NOTCH4: variants seen among roughly 807,000 people sequenced by gnomAD.
NOTCH4 encodes the protein neurogenic locus notch homolog protein 4.
NOTCH4 carries 138 observed loss-of-function variants against 189.0 expected under a neutral mutation model. The ratio of observed to expected loss-of-function variants is 0.73; its 90% CI spans 0.64 to 0.84. The LOEUF (loss-of-function observed/expected upper bound fraction) is 0.84. Ranked by LOEUF, NOTCH4 falls within the 40% of genes least tolerant of loss-of-function variation. The pLI is 0.00. For synonymous variants in NOTCH4, 942 were observed against 1,032.8 expected (o/e 0.91, Z 1.69); for missense variants, 2,286 against 2,605.4 (o/e 0.88, Z 2.67).
rs559963136 is a variant in NOTCH4 at position 32,202,382 on chromosome 6, G to T, written c.3449C>A (p.Thr1150Lys). The T allele has an allele frequency of 6.2e-7, 1 of 1,612,612 alleles. No individual in the cohort carries two copies. Among genetic ancestry groups the T allele is most frequent in the African/African-American group, 1.3e-5 (1 of 74,944 alleles). The change falls in exon 21 of 30, where the codon ACG becomes AAG. Residue 1150 changes from threonine to lysine, a missense_variant. By Grantham distance (78) the Thr-to-Lys change is moderately conservative. Coordinates refer to ENST00000375023, the MANE Select transcript of NOTCH4 (RefSeq NM_004557.4). The surrounding 1 kb of genome is among the most constrained non-coding windows in gnomAD (Gnocchi z 5.7). Reference protein sequence around the residue: ...CLYNGSCSETTGLGGPGFRCS... With the variant: ...CLYNGSCSETKGLGGPGFRCS... ...TCGAAAGCCTGGGCCCCCCAAGCCC[G>T]TGGTCTCTGAGCAGCTGCCATTGTA... is the stretch of plus-strand genomic sequence containing the variant.
rs142575217 is a variant in NOTCH4 at position 32,195,477 on chromosome 6, T to G, written c.5972A>C (p.Gln1991Pro). The G allele has an allele frequency of 1.1e-5, 18 of 1,611,476 alleles. No homozygotes were observed. Among genetic ancestry groups the G allele is most frequent in the African/African-American group, 2.7e-5 (2 of 74,898 alleles). Residue 1991 changes from glutamine to proline, a missense_variant, in exon 30 of 30, where the codon CAA becomes CCA. Transcript: ENST00000375023. The surrounding 1 kb of genome is among the most constrained non-coding windows in gnomAD (Gnocchi z 5.4). Reference protein sequence around the residue: ...PQLDCGPPALQEMPINQGGEG... With the variant: ...PQLDCGPPALPEMPINQGGEG... Reference sequence around the variant, plus strand: ...TCCTCCTTGGTTTATGGGCATTTCTTGGAGGGCTGGGGGACCACAGTCAAG... The same window carrying G: ...TCCTCCTTGGTTTATGGGCATTTCTGGGAGGGCTGGGGGACCACAGTCAAG...
chr6:32,220,323 T>C (rs1789672795), intron 6 of NOTCH4, 39 bp from the exon 7 acceptor site: 1 of 1,608,938 alleles, frequency 6.2e-7, no homozygotes, highest in Non-Finnish European at 8.5e-7. Flanking sequence ...CAAAGGCCAC[T>C]TGAAGCTCCT....
chr6:32,212,951 G>T lies in NOTCH4; in HGVS notation c.2439-40C>A. ...GACAGGGCATGATAGGAAGAAGTTC[G>T]GGCAACAAGGGGAAGGTAGTGTGTG... is the stretch of plus-strand genomic sequence containing the variant. On this transcript the variant is annotated intron_variant, in intron 15 of 29. Coordinates refer to ENST00000375023, the MANE Select transcript of NOTCH4 (RefSeq NM_004557.4). This position sits in a 1 kb window ranked among gnomAD's most constrained non-coding sequence, Gnocchi z 4.4. The T allele has an allele frequency of 6.6e-7, 1 of 1,509,342 alleles. No individual in the cohort carries two copies. The highest frequency in any genetic ancestry group is 9.1e-7 in the Non-Finnish European group (1 of 1,104,878). The allele number at this position is 1,509,342 out of a possible 1,614,324, so 93.5% of individuals were successfully genotyped here.
In NOTCH4 at chr6:32,196,400, G is replaced by C. The variant is rs752717843; in HGVS notation, c.5222C>G (p.Ala1741Gly). Reference protein sequence around the residue: ...DKWGKTALHWAAAVNNARAAR... With the variant: ...DKWGKTALHWGAAVNNARAAR... Reference sequence around the variant, plus strand: ...GGCTCGGGCGTTGTTCACGGCAGCAGCCCAGTGCAGCGCAGTTTTCCCTAG... The same window carrying C: ...GGCTCGGGCGTTGTTCACGGCAGCACCCCAGTGCAGCGCAGTTTTCCCTAG... The change falls in exon 29 of 30, where the codon GCT becomes GGT. Residue 1741 changes from alanine to glycine, a missense_variant. Ala to Gly is a moderately conservative substitution (Grantham distance 60). Transcript: ENST00000375023. 1 of 1,613,140 alleles carries C rather than the reference G, an allele frequency of 6.2e-7. No homozygotes were observed. Among genetic ancestry groups the C allele is most frequent in the South Asian group, 1.1e-5 (1 of 91,086 alleles).
At chr6:32,214,311 C>A (rs1378534223) in intron 12 of NOTCH4, 56 bp from the exon 13 acceptor site, 16 of 1,589,430 alleles carry the variant, frequency 1.0e-5, no homozygotes, top group Non-Finnish European at 1.1e-5. Flanking sequence ...TTATGTTCCC[C>A]TCCCTGCTGC....
Position 32,196,760 on chromosome 6 carries a change from G to C in NOTCH4, c.5200+165C>G, listed in dbSNP as rs971179960. 3.9e-5 allele frequency among the ~76,000 whole-genome samples: 6 copies of C among 152,064 alleles called. No individual in the cohort carries two copies. The East Asian group carries it at 7.7e-4, about 20-fold the overall frequency. ...AGTGTGGTGTTGAGGGTGGGAGTTG[G>C]GGGGGGAAACTCACGCGGCCCGTAC... On this transcript the variant is annotated intron_variant, in intron 28 of 29. Transcript: ENST00000375023.
In NOTCH4 at chr6:32,221,413, C is replaced by A; in HGVS notation, c.452-88G>T. On this transcript the variant is annotated intron_variant, in intron 3 of 29. Coordinates refer to ENST00000375023, the MANE Select transcript of NOTCH4 (RefSeq NM_004557.4). This position sits in a 1 kb window ranked among gnomAD's most constrained non-coding sequence, Gnocchi z 4.3. ...ACCCAGTGCTCACTCTGGATTATCT[C>A]TGGGTCTCATTTTCATATTTCCTTC... 2.1e-6 allele frequency: 2 copies of A among 932,362 alleles called. No homozygotes were observed. Among genetic ancestry groups the A allele is most frequent in the East Asian group, 2.5e-5 (1 of 40,424 alleles). The allele number at this position is 932,362 out of a possible 1,614,324, so 57.8% of individuals were successfully genotyped here. A position where few individuals can be genotyped will look rare whatever the true frequency, so the allele number is the denominator to read the frequency against.
rs149361718 is a variant in NOTCH4, at chr6:32,223,386, G to A, written c.74-300C>T. Among the ~76,000 whole-genome samples, 835 of 152,142 alleles carry A rather than the reference G, an allele frequency of 5.5e-3. 6 individuals are homozygous for A. Among genetic ancestry groups the A allele is most frequent in the Non-Finnish European group, 9.9e-3 (676 of 67,968 alleles). On this transcript the variant is annotated intron_variant, in intron 1 of 29. Coordinates refer to ENST00000375023, the MANE Select transcript of NOTCH4 (RefSeq NM_004557.4). ...CAGAAGAGGGGCGGAGGTGGCTCCC[G>A]GGAGGTGAATGGCTGAGACTTCGAA...
Position 32,202,387 on chromosome 6 carries a change from C to A in NOTCH4, c.3444G>T (p.Glu1148Asp). The change falls in exon 21 of 30, where the codon GAG becomes GAT. Residue 1148 changes from glutamate (E) to aspartate (D), a missense_variant. Physicochemically the swap from Glu to Asp is conservative, Grantham distance 45 (BLOSUM62 2). Transcript: ENST00000375023. This position sits in a 1 kb window ranked among gnomAD's most constrained non-coding sequence, Gnocchi z 5.7. ...AGCCTGGGCCCCCCAAGCCCGTGGT[C>A]TCTGAGCAGCTGCCATTGTATAGGC... is the stretch of plus-strand genomic sequence containing the variant. Reference protein sequence around the residue: ...SPCLYNGSCSETTGLGGPGFR... With the variant: ...SPCLYNGSCSDTTGLGGPGFR... 6.2e-7 allele frequency: 1 copy of A among 1,612,644 alleles called. No homozygotes were observed. Among genetic ancestry groups the A allele is most frequent in the East Asian group, 2.2e-5 (1 of 44,880 alleles).
Position 32,223,056 on chromosome 6 carries a change from C to G in NOTCH4, c.104G>C (p.Cys35Ser). Reference sequence around the variant, plus strand: ...GCTCAGGCAGGTGCCTCCATTGGCACAGGGTTCTGGGAAACTCCCACACAG... The same window carrying G: ...GCTCAGGCAGGTGCCTCCATTGGCAGAGGGTTCTGGGAAACTCCCACACAG... Reference protein sequence around the residue: ...GLLCGSFPEPCANGGTCLSLS... With the variant: ...GLLCGSFPEPSANGGTCLSLS... Residue 35 changes from cysteine to serine, a missense_variant, in exon 2 of 30, where the codon TGT (cysteine) becomes TCT (serine). Coordinates refer to ENST00000375023, the MANE Select transcript of NOTCH4 (RefSeq NM_004557.4). 6.2e-7 allele frequency: 1 copy of G among 1,614,020 alleles called. No homozygotes were observed. Among genetic ancestry groups the G allele is most frequent in the Non-Finnish European group, 8.5e-7 (1 of 1,179,966 alleles).
intron 11 of NOTCH4, chr6:32,216,036 T>G (rs577650925): frequency 0.21 from 30,884 of 148,702 alleles, 3,497 homozygotes; most frequent in East Asian, 0.37. Flanking sequence ...TGTATTTTTT[T>G]TTTTTTTTGA....
intron 18 of NOTCH4, among the ~76,000 whole-genome samples, chr6:32,207,636 C>T (rs984073088): frequency 1.3e-5 from 2 of 149,010 alleles, no homozygotes; most frequent in Non-Finnish European, 3.0e-5. Context: ...TATCCCCCCC[C>T]CCCAAAAAAA....
rs767104958 is a variant in NOTCH4, at chr6:32,196,362, G to C, written c.5260C>G (p.Leu1754Val). 2 of 1,613,168 alleles carry C rather than the reference G, an allele frequency of 1.2e-6. No individual in the cohort carries two copies. The highest frequency in any genetic ancestry group is 1.7e-6 in the Non-Finnish European group (2 of 1,180,052). Reference protein sequence around the residue: ...VNNARAARSLLQAGADKDAQD... With the variant: ...VNNARAARSLVQAGADKDAQD... Reference sequence around the variant, plus strand: ...GCATCTTTATCGGCTCCGGCCTGGAGAAGCGAGCGGGCGGCTCGGGCGTTG... The same window carrying C: ...GCATCTTTATCGGCTCCGGCCTGGACAAGCGAGCGGGCGGCTCGGGCGTTG... Residue 1754 changes from leucine (L) to valine (V), a missense_variant, in exon 29 of 30, where the codon CTC becomes GTC. Around this residue, in one of 2 missense-constraint regions of NOTCH4, gnomAD observed 1,903 missense variants for 2,261.9 expected, o/e 0.84. Coordinates refer to ENST00000375023, the MANE Select transcript of NOTCH4 (RefSeq NM_004557.4).
Position 32,210,630 on chromosome 6 carries a change from G to A in NOTCH4, c.2865+122C>T. On this transcript the variant is annotated intron_variant, in intron 18 of 29. Coordinates refer to ENST00000375023, the MANE Select transcript of NOTCH4 (RefSeq NM_004557.4). The surrounding 1 kb of genome is among the most constrained non-coding windows in gnomAD (Gnocchi z 4.8). ...CATGACTTTGTGGTTAGTTGGGTGTGTGGGGTTAAAAAAAATAAAAGGAGG... is the reference window on the plus strand; with the variant it reads ...CATGACTTTGTGGTTAGTTGGGTGTATGGGGTTAAAAAAAATAAAAGGAGG... The A allele has an allele frequency of 1.1e-6, 1 of 931,488 alleles. No individual in the cohort carries two copies. Among genetic ancestry groups the A allele is most frequent in the South Asian group, 1.5e-5 (1 of 64,674 alleles). 57.7% of individuals were successfully genotyped at this position (931,488 alleles called of 1,614,324 possible).
In NOTCH4 at chr6:32,199,280, A is replaced by G; in HGVS notation, c.4316-135T>C. The G allele has an allele frequency of 1.5e-6, 1 of 658,956 alleles. No homozygotes were observed. Among genetic ancestry groups the G allele is most frequent in the Non-Finnish European group, 2.5e-6 (1 of 397,946 alleles). The allele number at this position is 658,956 out of a possible 1,614,324, so 40.8% of individuals were successfully genotyped here. On this transcript the variant is annotated intron_variant, in intron 23 of 29. Coordinates refer to ENST00000375023, the MANE Select transcript of NOTCH4 (RefSeq NM_004557.4). This position sits in a 1 kb window ranked among gnomAD's most constrained non-coding sequence, Gnocchi z 4.9. The stretch of plus-strand genomic sequence containing the variant: ...CTGCAAAATGGGGATGATAATATAG[A>G]TTGAGGTTGGGCACAGTGGCTCATG...
Position 32,216,914 on chromosome 6 carries a change from G to A in NOTCH4, c.1861+31C>T, listed in dbSNP as rs778752427. ...CAACCCAAATGGAATAAAATATTCT[G>A]CCAGTTCTTTCCAGTGCCTCCCCTG... On this transcript the variant is annotated intron_variant, in intron 11 of 29. Transcript: ENST00000375023. 6.2e-6 allele frequency: 10 copies of A among 1,612,326 alleles called. No homozygotes were observed. In the African/African-American group the frequency reaches 1.3e-4, roughly 22 times the overall value.
Position 32,196,324 on chromosome 6 carries a change from C to T in NOTCH4, c.5298G>A (p.Arg1766=). The T allele has an allele frequency of 6.2e-7, 1 of 1,613,142 alleles. No homozygotes were observed. Among genetic ancestry groups the T allele is most frequent in the Non-Finnish European group, 8.5e-7 (1 of 1,180,038 alleles). Residue 1766 remains arginine (R), a splice_region_variant and synonymous_variant, in exon 29 of 30, where the codon AGG becomes AGA. Coordinates refer to ENST00000375023, the MANE Select transcript of NOTCH4 (RefSeq NM_004557.4). ...AGADKDAQDN[R]EQTPLFLAAR... Reference sequence around the variant, plus strand: ...TGGGAAGCCCTCTGTCCCATCTAACCCTGTTGTCCTGGGCATCTTTATCGG... The same window carrying T: ...TGGGAAGCCCTCTGTCCCATCTAACTCTGTTGTCCTGGGCATCTTTATCGG...
At chr6:32,211,766 C>A (rs1180737897) in intron 17 of NOTCH4, among the ~76,000 whole-genome samples, 1 of 152,154 alleles carries the variant, frequency 6.6e-6, no homozygotes, top group Non-Finnish European at 1.5e-5. Flanking sequence ...TTAATAACTC[C>A]TGGCACTGAA....
rs1401632191 is a variant in NOTCH4 at position 32,200,836 on chromosome 6, C to G, written c.4310G>C (p.Gly1437Ala). 6.2e-7 allele frequency: 1 copy of G among 1,600,684 alleles called. No homozygotes were observed. Among genetic ancestry groups the G allele is most frequent in the Non-Finnish European group, 8.5e-7 (1 of 1,174,360 alleles). Residue 1437 changes from glycine (G) to alanine (A), a missense_variant, in exon 23 of 30, where the codon GGG becomes GCG. Around this residue, in one of 2 missense-constraint regions of NOTCH4, gnomAD observed 1,903 missense variants for 2,261.9 expected, o/e 0.84. Coordinates refer to ENST00000375023, the MANE Select transcript of NOTCH4 (RefSeq NM_004557.4). This position sits in a 1 kb window ranked among gnomAD's most constrained non-coding sequence, Gnocchi z 5.0. ...GPLLAVHPHA[G>A]TAPPANQLPW... ...AGTGGCAAGGGGTCACCTACCGGTCCCTGCATGAGGGTGGACAGCCAGCAG... is the reference window on the plus strand; with the variant it reads ...AGTGGCAAGGGGTCACCTACCGGTCGCTGCATGAGGGTGGACAGCCAGCAG...
Sources: gnomAD v4.1 joint callset for allele counts (sites outside exome capture counted in the v4.1 genomes callset) on GRCh38, gnomAD v4.1.1 for gene constraint, gnomAD v4.1.1 regional missense constraint, Gnocchi (gnomAD v3.1) non-coding constraint, MANE v1.5 for transcripts, NCBI Gene and HGNC (gene_info 2026-07-23, HGNC 2026-07-21) for gene names.